The following KCTD20 variants were observed in gnomAD, a reference collection of about 807,000 sequenced individuals.
The protein encoded by KCTD20 is potassium channel tetramerization domain containing 20.
KCTD20 carries 30 observed loss-of-function variants against 39.6 expected under a neutral mutation model. The ratio of observed to expected loss-of-function variants is 0.76; its 90% CI spans 0.57 to 1.03. The LOEUF (loss-of-function observed/expected upper bound fraction) is 1.03. KCTD20 is among the 50% of genes least tolerant of loss of function. The pLI is 0.00. For synonymous variants in KCTD20, 162 were observed against 180.6 expected, an observed-to-expected ratio of 0.90 and a Z score of 0.83; for missense variants, 422 against 522.0, an observed-to-expected ratio of 0.81 and a Z score of 1.87.
intron 3 of KCTD20, among the ~76,000 whole-genome samples, chr6:36,478,482 C>G (rs966136930): frequency 6.6e-6 from 1 of 152,148 alleles, no homozygotes; most frequent in African/African-American, 2.4e-5. Flanking sequence ...AAGCCTAATA[C>G]CTACTACCCT....
intron 1 of KCTD20, among the ~76,000 whole-genome samples, chr6:36,457,392 C>G (rs1415713493): frequency 5.3e-5 from 8 of 152,294 alleles, no homozygotes; most frequent in African/African-American, 1.9e-4. Context: ...GAAGGCCTTG[C>G]TATTTTTAAG....
chr6:36,485,338 T>C (rs770639403), intron 7 of KCTD20, among the ~76,000 whole-genome samples: 1 of 151,890 alleles, frequency 6.6e-6, no homozygotes, highest in Non-Finnish European at 1.5e-5. Context: ...GATTATTCCA[T>C]ACTTTTGAGG....
Position 36,486,926 on chromosome 6 carries a change from C to G in KCTD20, c.1011C>G (p.Gly337=), listed in dbSNP as rs925384160. 1.2e-6 allele frequency: 2 copies of G among 1,613,704 alleles called. No individual in the cohort carries two copies. The highest frequency in any genetic ancestry group is 2.2e-5 in the South Asian group (2 of 90,974). Residue 337 remains glycine (G), a synonymous_variant, in exon 8 of 8, where the codon GGC becomes GGG. Coordinates refer to ENST00000373731, the MANE Select transcript of KCTD20 (RefSeq NM_173562.5). The part of the protein sequence containing the change: ...CKEKIKRRPG[G]RSEVIYNYVQ... Reference sequence around the variant, plus strand: ...AAAAAATTAAGAGAAGGCCTGGCGGCCGGTCTGAAGTCATCTATAATTATG... The same window carrying G: ...AAAAAATTAAGAGAAGGCCTGGCGGGCGGTCTGAAGTCATCTATAATTATG...
At position 36,470,041 on chromosome 6, in the gene KCTD20, C is replaced by A; in HGVS notation, c.-46-11C>A. On this transcript the variant is annotated splice_polypyrimidine_tract_variant and intron_variant, in intron 1 of 7. Coordinates refer to ENST00000373731, the MANE Select transcript of KCTD20 (RefSeq NM_173562.5). ...TGTGAGTTCTAAATCATGCATATTC[C>A]TGTGTTCCAGGATTTCTCTCTGATC... is the stretch of plus-strand genomic sequence containing the variant. 1 of 1,443,910 alleles carries A rather than the reference C, an allele frequency of 6.9e-7. No individual in the cohort carries two copies. The highest frequency in any genetic ancestry group is 1.5e-5 in the South Asian group (1 of 66,834). 89.4% of individuals were successfully genotyped at this position (1,443,910 alleles called of 1,614,324 possible). A position where few individuals can be genotyped will look rare whatever the true frequency, so the allele number is the denominator to read the frequency against.
chr6:36,456,578 CTTTTTTTT>C (rs58002986), intron 1 of KCTD20, among the ~76,000 whole-genome samples: 3,311 of 107,000 alleles, frequency 0.031, 138 homozygotes, highest in African/African-American at 0.11. Flanking sequence ...CACGCCCAGG[CTTTTTTTT>C]TTTTTTTTTT....
In KCTD20 at chr6:36,455,041, C is replaced by T. The variant is rs1340725145; in HGVS notation, c.-47+11930C>T. On this transcript the variant is annotated intron_variant, in intron 1 of 7. Transcript: ENST00000373731. ...AAAACCTGGGGTATTTCACAGGATC[C>T]TTCCTCCTCTGCAGACCCATTCCAG... 2.6e-5 allele frequency among the ~76,000 whole-genome samples: 4 copies of T among 152,214 alleles called. No individual in the cohort carries two copies. The East Asian group carries it at 7.7e-4, about 29-fold the overall frequency.
intron 3 of KCTD20, among the ~76,000 whole-genome samples, chr6:36,477,481 CTTTTTTT>C (rs760205169): frequency 7.6e-6 from 1 of 130,944 alleles, no homozygotes; most frequent in African/African-American, 2.9e-5. Flanking sequence ...ATTTTCTTTT[CTTTTTTT>C]TTTTTTTTTT....
rs556386404 is a variant in KCTD20, at chr6:36,482,527, C to T, written c.856+768C>T. Among the ~76,000 whole-genome samples, 5 of 151,738 alleles carry T rather than the reference C, an allele frequency of 3.3e-5. No homozygotes were observed. In the East Asian group the frequency reaches 7.8e-4, roughly 24 times the overall value. On this transcript the variant is annotated intron_variant, in intron 6 of 7. Transcript: ENST00000373731. ...GAGATCACGCCATTGCGCTCCAGCCCGGGCGACAGTGTGAGACTCCATCTC... is the reference window on the plus strand; with the variant it reads ...GAGATCACGCCATTGCGCTCCAGCCTGGGCGACAGTGTGAGACTCCATCTC...
At chr6:36,460,742 T>TA (rs1225916684) in intron 1 of KCTD20, among the ~76,000 whole-genome samples, 3 of 152,148 alleles carry the variant, frequency 2.0e-5, no homozygotes, top group Non-Finnish European at 4.4e-5. Context: ...AGGAAGATTA[T>TA]ATGTCCTAGC....
chr6:36,443,728 C>T (rs1774947257), intron 1 of KCTD20: 1 of 152,198 alleles, frequency 6.6e-6, no homozygotes, highest in Non-Finnish European at 1.5e-5. Flanking sequence ...ATAGCAGTGT[C>T]TTCAGGTTTA....
intron 1 of KCTD20, among the ~76,000 whole-genome samples, chr6:36,460,978 G>A (rs1337566517): frequency 6.6e-6 from 1 of 151,822 alleles, no homozygotes; most frequent in Non-Finnish European, 1.5e-5. Context: ...GGTAACAATG[G>A]CATCTACCTC....
chr6:36,444,566 G>A (rs946366874), intron 1 of KCTD20, among the ~76,000 whole-genome samples: 14 of 152,034 alleles, frequency 9.2e-5, no homozygotes, highest in Non-Finnish European at 1.9e-4. Context: ...ATGGAACCAG[G>A]GCAGCCAATG....
intron 1 of KCTD20, among the ~76,000 whole-genome samples, chr6:36,462,572 T>C (rs892626649): frequency 3.9e-5 from 6 of 152,230 alleles, no homozygotes; most frequent in African/African-American, 1.4e-4. Flanking sequence ...GAAGATGTTT[T>C]AACAAGTTCC....
rs1776517105 is a variant in KCTD20 at position 36,489,345 on chromosome 6, T to G, written c.*2170T>G. 6.6e-6 allele frequency: 1 copy of G among 152,206 alleles called. No homozygotes were observed. The highest frequency in any genetic ancestry group is 1.5e-5 in the Non-Finnish European group (1 of 68,038). The allele number at this position is 152,206 out of a possible 1,614,324, so 9.4% of individuals were successfully genotyped here. On this transcript the variant is annotated 3_prime_UTR_variant, in exon 8 of 8. Transcript: ENST00000373731. ...ACTTGACACTGTCCTGTGTAACCCT[T>G]TACTTTGCTCAGGCTTTCAAGATTG...
intron 1 of KCTD20, among the ~76,000 whole-genome samples, chr6:36,465,101 T>A (rs2127440366): frequency 1.3e-5 from 2 of 152,110 alleles, no homozygotes; most frequent in East Asian, 3.9e-4. Context: ...ATCAAGACCA[T>A]CCTAGCCAAC....
intron 1 of KCTD20, chr6:36,465,604 C>T (rs1422727419): frequency 6.6e-6 from 1 of 151,786 alleles, no homozygotes; most frequent in Admixed American, 6.6e-5. Context: ...TTTTTAGGTG[C>T]AAGGAATATG....
chr6:36,458,301 G>A (rs745614077), intron 1 of KCTD20, among the ~76,000 whole-genome samples: 1 of 151,862 alleles, frequency 6.6e-6, no homozygotes. Context: ...ATTTTTGGGA[G>A]GCCGAGGTGG....
intron 1 of KCTD20, among the ~76,000 whole-genome samples, chr6:36,444,727 T>TG (rs1374871319): frequency 6.6e-6 from 1 of 152,214 alleles, no homozygotes. Context: ...AGTAGGCTGT[T>TG]TTATCAACAG....
At chr6:36,464,104 C>T (rs1344695980) in intron 1 of KCTD20, among the ~76,000 whole-genome samples, 1 of 152,170 alleles carries the variant, frequency 6.6e-6, no homozygotes, top group Non-Finnish European at 1.5e-5. Context: ...GCTGACTGTA[C>T]ATCCTTAGTG....
Sources: gnomAD v4.1 joint callset for allele counts (sites outside exome capture counted in the v4.1 genomes callset) on GRCh38, gnomAD v4.1.1 for gene constraint, MANE v1.5 for transcripts, NCBI Gene and HGNC (gene_info 2026-07-23, HGNC 2026-07-21) for gene names.